The following ABTB3 variants were observed in gnomAD, a reference collection of about 807,000 sequenced individuals.
ABTB3 encodes ankyrin repeat- and BTB/POZ domain-containing protein 3.
the ABTB3 span, among the ~76,000 whole-genome samples, chr12:107,429,377 A>G: frequency 6.6e-6 from 1 of 152,196 alleles, no homozygotes; most frequent in East Asian, 1.9e-4. Flanking sequence ...CTGGTCGACC[A>G]CACTTCTCCA....
chr12:107,366,804 TGC>T, the ABTB3 span, among the ~76,000 whole-genome samples: 2 of 152,224 alleles, frequency 1.3e-5, no homozygotes, highest in East Asian at 3.8e-4. Context: ...AGTGACTCCT[TGC>T]ATCTGAGTTA....
chr12:107,432,481 A>G, the ABTB3 span, among the ~76,000 whole-genome samples: 2 of 152,190 alleles, frequency 1.3e-5, no homozygotes, highest in African/African-American at 4.8e-5. Context: ...TTGAGGACCT[A>G]CTAAGTGTTT....
the ABTB3 span, chr12:107,657,818 G>T: frequency 7.7e-7 from 1 of 1,297,538 alleles, no homozygotes; most frequent in Non-Finnish European, 1.1e-6. Flanking sequence ...CCTGTTTTTG[G>T]CTGGGCCAAG....
the ABTB3 span, among the ~76,000 whole-genome samples, chr12:107,380,595 A>AT: frequency 6.6e-6 from 1 of 152,184 alleles, no homozygotes; most frequent in African/African-American, 2.4e-5. Flanking sequence ...TTTACCTAGC[A>AT]TCTACTGAAC....
chr12:107,461,477 G>A, the ABTB3 span, among the ~76,000 whole-genome samples: 1 of 152,124 alleles, frequency 6.6e-6, no homozygotes, highest in Non-Finnish European at 1.5e-5. Flanking sequence ...CAGGAGAGGG[G>A]CACAAGTTGT....
the ABTB3 span, among the ~76,000 whole-genome samples, chr12:107,452,458 G>A: frequency 2.6e-5 from 4 of 151,854 alleles, no homozygotes; most frequent in South Asian, 2.1e-4. Context: ...CGCCTGCCTC[G>A]GCCTCCCAAA....
the ABTB3 span, among the ~76,000 whole-genome samples, chr12:107,438,309 T>G: frequency 6.6e-6 from 1 of 152,182 alleles, no homozygotes; most frequent in Non-Finnish European, 1.5e-5. Flanking sequence ...CTATAAGCCA[T>G]TCTACTGAGA....
At chr12:107,448,194 A>G in the ABTB3 span, among the ~76,000 whole-genome samples, 34 of 152,216 alleles carry the variant, frequency 2.2e-4, no homozygotes, top group African/African-American at 8.2e-4. Context: ...ATCATTTAAG[A>G]TAGGATTGCT....
chr12:107,423,281 A>T, the ABTB3 span, among the ~76,000 whole-genome samples: 1 of 152,234 alleles, frequency 6.6e-6, no homozygotes, highest in African/African-American at 2.4e-5. Context: ...TTTCACATAG[A>T]CATAAAATGT....
chr12:107,323,515 T>G, the ABTB3 span, among the ~76,000 whole-genome samples: 1 of 152,206 alleles, frequency 6.6e-6, no homozygotes, highest in African/African-American at 2.4e-5. Context: ...ACTGGAGTTT[T>G]GTGTTGATTT....
chr12:107,599,772 T>G, the ABTB3 span, among the ~76,000 whole-genome samples: 1 of 152,002 alleles, frequency 6.6e-6, no homozygotes, highest in Non-Finnish European at 1.5e-5. Context: ...TAAATATGCA[T>G]GTGTGAATTA....
chr12:107,625,248 T>G, the ABTB3 span, among the ~76,000 whole-genome samples: 1 of 152,234 alleles, frequency 6.6e-6, no homozygotes, highest in Non-Finnish European at 1.5e-5. Flanking sequence ...TTGTCAGATA[T>G]GTGGTTTGCA....
chr12:107,356,531 A>G, the ABTB3 span, among the ~76,000 whole-genome samples: 1 of 152,114 alleles, frequency 6.6e-6, no homozygotes. Flanking sequence ...AGGTGTTTCA[A>G]GCTCTTGGTT....
the ABTB3 span, among the ~76,000 whole-genome samples, chr12:107,513,704 A>C: frequency 2.0e-5 from 3 of 152,212 alleles, 1 homozygote; most frequent in Middle Eastern, 6.3e-3. Context: ...GACACAGAGA[A>C]AAGCCCAGAG....
the ABTB3 span, chr12:107,580,972 T>C: frequency 6.4e-7 from 1 of 1,551,614 alleles, no homozygotes; most frequent in Non-Finnish European, 8.7e-7. Flanking sequence ...GGTCCGGATG[T>C]CTCCAAAGGC....
At chr12:107,555,258 G>T in the ABTB3 span, among the ~76,000 whole-genome samples, 8 of 152,190 alleles carry the variant, frequency 5.3e-5, no homozygotes, top group Non-Finnish European at 8.8e-5. Context: ...ACAGCATCAG[G>T]GCAAATCCCA....
the ABTB3 span, among the ~76,000 whole-genome samples, chr12:107,593,938 C>A: frequency 6.6e-6 from 1 of 152,216 alleles, no homozygotes; most frequent in African/African-American, 2.4e-5. Flanking sequence ...TGGTCATATG[C>A]CCATACATAG....
the ABTB3 span, among the ~76,000 whole-genome samples, chr12:107,494,431 A>G: frequency 6.6e-6 from 1 of 152,142 alleles, no homozygotes; most frequent in African/African-American, 2.4e-5. Flanking sequence ...CTGGTCAGGA[A>G]TCAAAGGGAC....
At chr12:107,612,776 A>G in the ABTB3 span, 1 of 1,611,566 alleles carries the variant, frequency 6.2e-7, no homozygotes, top group East Asian at 2.2e-5. Flanking sequence ...TTAACTCACC[A>G]CAGGGCATGA....
Sources: allele counts gnomAD v4.1 joint callset (sites outside exome capture counted in the v4.1 genomes callset), GRCh38; gene constraint gnomAD v4.1.1; transcripts MANE v1.5; gene names NCBI Gene and HGNC (gene_info 2026-07-23, HGNC 2026-07-21).